CBR4: variants seen among roughly 807,000 people sequenced by gnomAD.
CBR4 encodes carbonyl reductase 4.
CBR4 carries 22 observed loss-of-function variants against 21.0 expected under a neutral mutation model. That is an observed-to-expected ratio of 1.05 (90% CI 0.75 to 1.50). The LOEUF (loss-of-function observed/expected upper bound fraction) is 1.50, where lower values mean the gene tolerates loss of function less well. Ranked by LOEUF, CBR4 falls within the 40% of genes most tolerant of loss-of-function variation. The pLI is 0.00. For synonymous variants in CBR4, 100 were observed against 104.4 expected (o/e 0.96, Z 0.26); for missense variants, 302 against 286.3 (o/e 1.05, Z -0.40).
At chr4:168,943,608 G>A (rs1242512907) in intron 2 of CBR4, among the ~76,000 whole-genome samples, 2 of 152,084 alleles carry the variant, frequency 1.3e-5, no homozygotes, top group Non-Finnish European at 2.9e-5. Context: ...ATGTGAATGG[G>A]GAACTAAACA....
chr4:168,959,411 A>G (rs1354604221), intron 2 of CBR4, among the ~76,000 whole-genome samples: 2 of 151,708 alleles, frequency 1.3e-5, no homozygotes, highest in South Asian at 2.1e-4. Context: ...CCTTTCACCA[A>G]TACCACACTG....
At chr4:169,008,070 A>T (rs1331871809) in intron 1 of CBR4, among the ~76,000 whole-genome samples, 1 of 152,228 alleles carries the variant, frequency 6.6e-6, no homozygotes, top group Non-Finnish European at 1.5e-5. Flanking sequence ...TTTAACACTG[A>T]ATTCATGCTA....
chr4:168,916,992 G>A (rs1306793781), intron 2 of CBR4, among the ~76,000 whole-genome samples: 1 of 148,266 alleles, frequency 6.7e-6, no homozygotes, highest in Non-Finnish European at 1.5e-5. Context: ...TCTAAGATAA[G>A]TTAGAGGGAC....
downstream of CBR4, among the ~76,000 whole-genome samples, chr4:168,983,139 A>G (rs1202519594): frequency 5.9e-5 from 9 of 152,172 alleles, no homozygotes; most frequent in Admixed American, 5.2e-4. Flanking sequence ...TGGTTCTTTA[A>G]AAGAATAAAT....
intron 2 of CBR4, among the ~76,000 whole-genome samples, chr4:168,897,297 G>T (rs1755417377): frequency 1.3e-5 from 2 of 152,190 alleles, no homozygotes; most frequent in Admixed American, 6.5e-5. Flanking sequence ...TATAACTCTT[G>T]CAGTTTTATT....
chr4:168,999,578 C>T (rs1429411315), intron 4 of CBR4, among the ~76,000 whole-genome samples: 1 of 148,618 alleles, frequency 6.7e-6, no homozygotes, highest in Non-Finnish European at 1.5e-5. Flanking sequence ...ATATATTATG[C>T]TCTATAAGGG....
chr4:168,970,585 A>T lies in CBR4; in HGVS notation n.169+31486T>A, dbSNP rs542906554. The stretch of plus-strand genomic sequence containing the variant: ...TTTCTGAGATTTTGATGTATCCATC[A>T]CCTGAGCAGTGTACACTGCACCCAG... On this transcript the variant is annotated intron_variant and non_coding_transcript_variant, in intron 2 of 3. Coordinates refer to the CBR4 transcript ENST00000509108. Among the ~76,000 whole-genome samples the T allele has an allele frequency of 3.4e-3, 522 of 152,260 alleles. 4 individuals carry two copies. Among genetic ancestry groups the T allele is most frequent in the Middle Eastern group, 0.014 (4 of 294 alleles).
intron 2 of CBR4, among the ~76,000 whole-genome samples, chr4:168,923,979 C>T (rs1274859555): frequency 1.3e-5 from 2 of 152,202 alleles, no homozygotes; most frequent in Non-Finnish European, 2.9e-5. Flanking sequence ...GAGTCTCCCA[C>T]AGCTGGTCAG....
chr4:168,895,642 C>G (rs1333698497), intron 2 of CBR4, among the ~76,000 whole-genome samples: 1 of 152,048 alleles, frequency 6.6e-6, no homozygotes, highest in East Asian at 1.9e-4. Flanking sequence ...TCCTCATTGT[C>G]TTAAATTAGA....
intron 4 of CBR4, among the ~76,000 whole-genome samples, chr4:168,992,942 C>A (rs565856178): frequency 6.6e-6 from 1 of 152,242 alleles, no homozygotes; most frequent in Non-Finnish European, 1.5e-5. Flanking sequence ...TAACATCTTA[C>A]CACATTTATT....
intron 3 of CBR4, chr4:168,894,498 GT>G: frequency 1.2e-6 from 1 of 844,272 alleles, no homozygotes; most frequent in Non-Finnish European, 2.0e-6. Context: ...AAAGTGTGTT[GT>G]TTTTTACTCT....
At chr4:168,964,689 T>C (rs931189360) in intron 2 of CBR4, among the ~76,000 whole-genome samples, 1 of 152,208 alleles carries the variant, frequency 6.6e-6, no homozygotes, top group African/African-American at 2.4e-5. Context: ...TTGGATGATA[T>C]GGTATTTGAG....
At chr4:168,978,841 T>C (rs1205213897) in intron 2 of CBR4, among the ~76,000 whole-genome samples, 1 of 152,118 alleles carries the variant, frequency 6.6e-6, no homozygotes, top group Non-Finnish European at 1.5e-5. Context: ...TACACCTCCC[T>C]AGGCAAAGCC....
At chr4:168,992,248 G>A (rs1427503352) in intron 4 of CBR4, among the ~76,000 whole-genome samples, 1 of 152,156 alleles carries the variant, frequency 6.6e-6, no homozygotes, top group Non-Finnish European at 1.5e-5. Context: ...CCATACAACA[G>A]AATAATGCAG....
intron 2 of CBR4, among the ~76,000 whole-genome samples, chr4:168,922,141 A>G (rs1444171354): frequency 6.8e-6 from 1 of 147,766 alleles, no homozygotes; most frequent in East Asian, 2.0e-4. Flanking sequence ...ACACACACAC[A>G]CACCTGGTTT....
At position 169,010,253 on chromosome 4, in the gene CBR4, A is replaced by T. The variant is rs1450523714; in HGVS notation, c.-164T>A. Reference sequence around the variant, plus strand: ...TCGACACCTCCTGCAGCCGCACAATAGTAATGCAAGACGCCGTGAAAAGGA... The same window carrying T: ...TCGACACCTCCTGCAGCCGCACAATTGTAATGCAAGACGCCGTGAAAAGGA... On this transcript the variant is annotated 5_prime_UTR_variant, in exon 1 of 5. Coordinates refer to ENST00000306193, the MANE Select transcript of CBR4 (RefSeq NM_032783.5). 1 of 614,978 alleles carries T rather than the reference A, an allele frequency of 1.6e-6. No homozygotes were observed. The highest frequency in any genetic ancestry group is 2.7e-6 in the Non-Finnish European group (1 of 371,910). 38.1% of individuals were successfully genotyped at this position (614,978 alleles called of 1,614,324 possible).
chr4:168,990,373 A>G (rs1764855516), intron 4 of CBR4, 45 bp from the exon 5 acceptor site: 2 of 1,378,346 alleles, frequency 1.5e-6, no homozygotes, highest in Non-Finnish European at 1.9e-6. Context: ...ACACACTAAG[A>G]CATCTGCTGA....
At chr4:168,904,285 C>T (rs1180921899) in intron 2 of CBR4, 2 of 214,924 alleles carry the variant, frequency 9.3e-6, no homozygotes, top group East Asian at 1.9e-4. Flanking sequence ...GAGTGAGTGG[C>T]ATGCATAGGC....
At chr4:168,895,381 C>CAA (rs1754895589) in intron 2 of CBR4, among the ~76,000 whole-genome samples, 1 of 152,042 alleles carries the variant, frequency 6.6e-6, no homozygotes, top group Non-Finnish European at 1.5e-5. Flanking sequence ...ACTTCGTCTC[C>CAA]AAAACAAAAC....
Sources: allele counts gnomAD v4.1 joint callset (sites outside exome capture counted in the v4.1 genomes callset), GRCh38; gene constraint gnomAD v4.1.1; transcripts MANE v1.5; gene names NCBI Gene and HGNC (gene_info 2026-07-23, HGNC 2026-07-21).